The following DCLK1 variants were observed in gnomAD, a reference collection of about 807,000 sequenced individuals.
DCLK1 encodes serine/threonine-protein kinase DCLK1.
A neutral mutation model predicts 86.2 loss-of-function variants in DCLK1; 16 were observed. The observed-to-expected ratio is 0.19, with a 90% confidence interval of 0.13 to 0.28. The LOEUF (loss-of-function observed/expected upper bound fraction) is 0.28, where lower values mean the gene tolerates loss of function less well. DCLK1 is among the 10% of genes least tolerant of loss of function. DCLK1 has a pLI of 1.00. For missense variants in DCLK1, 590 were observed against 940.2 expected, an observed-to-expected ratio of 0.63 and a Z score of 4.87; for synonymous variants, 369 against 370.5, an observed-to-expected ratio of 1.00 and a Z score of 0.05.
chr13:35,885,759 C>T (rs147546951), intron 4 of DCLK1, among the ~76,000 whole-genome samples: 1 of 152,198 alleles, frequency 6.6e-6, no homozygotes, highest in East Asian at 1.9e-4. Flanking sequence ...GCTGATTTGT[C>T]ATCTAAAAAT....
intron 4 of DCLK1, among the ~76,000 whole-genome samples, chr13:35,916,860 G>A (rs1875445692): frequency 6.6e-6 from 1 of 152,140 alleles, no homozygotes; most frequent in African/African-American, 2.4e-5. Flanking sequence ...TGTGCAGGAA[G>A]GCCTCTCAGA....
intron 4 of DCLK1, among the ~76,000 whole-genome samples, chr13:35,941,099 G>T (rs1201157717): frequency 6.6e-6 from 1 of 152,178 alleles, no homozygotes; most frequent in Non-Finnish European, 1.5e-5. Context: ...AGGACATAGA[G>T]CCTGGATGAG....
intron 6 of DCLK1, chr13:35,848,072 G>T: frequency 1.0e-6 from 1 of 985,270 alleles, no homozygotes. Flanking sequence ...AGAAAAAAGT[G>T]AGTGCAAGTG....
Position 36,068,548 on chromosome 13 carries a change from C to T in DCLK1, c.723+43321G>A, listed in dbSNP as rs1445957605. Among the ~76,000 whole-genome samples, 4 of 138,640 alleles carry T rather than the reference C, an allele frequency of 2.9e-5. No homozygotes were observed. In the Admixed American group the frequency reaches 3.1e-4, roughly 11 times the overall value. The allele number at this position is 138,640 out of a possible 152,430, so 91.0% of individuals were successfully genotyped here. Reference sequence around the variant, plus strand: ...TTTTAAACGTTTTCTTTGGCTGAATCTTGATAGAGAACAGTCTTTTTTTTT... The same window carrying T: ...TTTTAAACGTTTTCTTTGGCTGAATTTTGATAGAGAACAGTCTTTTTTTTT... On this transcript the variant is annotated intron_variant, in intron 3 of 16. Transcript: ENST00000360631.
chr13:35,835,047 A>G (rs1869257709), intron 8 of DCLK1, among the ~76,000 whole-genome samples: 1 of 152,142 alleles, frequency 6.6e-6, no homozygotes, highest in Non-Finnish European at 1.5e-5. Context: ...TATGGCAGGA[A>G]CCTGTGCTTC....
chr13:35,940,082 A>G (rs1876993907), intron 4 of DCLK1, among the ~76,000 whole-genome samples: 1 of 152,120 alleles, frequency 6.6e-6, no homozygotes, highest in Non-Finnish European at 1.5e-5. Flanking sequence ...CTAGCCGGGC[A>G]TGGTGGCATG....
rs928407001 is a variant in DCLK1 at position 36,013,825 on chromosome 13, G to C, written c.724-66368C>G. On this transcript the variant is annotated intron_variant, in intron 3 of 16. Coordinates refer to ENST00000360631, the MANE Select transcript of DCLK1 (RefSeq NM_001330071.2). ...GGCAATGGCGGGCGCCCCTCCCCCA[G>C]CCTCTCTGCCGCCTTGCAGTTTGAT... Among the ~76,000 whole-genome samples the C allele has an allele frequency of 2.4e-4, 37 of 152,280 alleles. 1 individual carries two copies. Among genetic ancestry groups the C allele is most frequent in the Non-Finnish European group, 4.9e-4 (33 of 68,026 alleles).
intron 4 of DCLK1, among the ~76,000 whole-genome samples, chr13:35,917,826 G>A (rs1320217479): frequency 1.3e-5 from 2 of 149,676 alleles, no homozygotes; most frequent in East Asian, 4.3e-4. Context: ...GCAGGGCGGG[G>A]AGGCCTCCAG....
chr13:35,974,749 T>C (rs1189480472), intron 3 of DCLK1, among the ~76,000 whole-genome samples: 2 of 152,182 alleles, frequency 1.3e-5, no homozygotes, highest in Non-Finnish European at 2.9e-5. Context: ...TCTTCATAAA[T>C]TACCCAGTCT....
chr13:35,805,682 T>TG lies in DCLK1; in HGVS notation c.1944+16dup. On this transcript the variant is annotated intron_variant, in intron 15 of 16. Coordinates refer to ENST00000360631, the MANE Select transcript of DCLK1 (RefSeq NM_001330071.2). ...GAATGTTAGGAGAGAACAAAGGAAA[T>TG]GGTGCGAGTCACTTACATTAACCCA... 2 of 1,607,290 alleles carry TG rather than the reference T, an allele frequency of 1.2e-6. No homozygotes were observed. Among genetic ancestry groups the TG allele is most frequent in the Non-Finnish European group, 1.7e-6 (2 of 1,176,948 alleles).
intron 10 of DCLK1, among the ~76,000 whole-genome samples, chr13:35,825,515 T>C (rs1593631153): frequency 6.6e-6 from 1 of 152,144 alleles, no homozygotes; most frequent in Admixed American, 6.5e-5. Context: ...TCTCACCAAA[T>C]GCGTTCAGAG....
intron 4 of DCLK1, among the ~76,000 whole-genome samples, chr13:35,936,962 CTTTTTTTTT>C (rs140269668): frequency 3.0e-5 from 2 of 65,708 alleles, no homozygotes; most frequent in Admixed American, 2.0e-4. Flanking sequence ...GAAAAGTTAG[CTTTTTTTTT>C]TTTTTTTTTT....
intron 7 of DCLK1, among the ~76,000 whole-genome samples, chr13:35,836,440 T>C (rs1444182311): frequency 1.3e-5 from 2 of 152,198 alleles, no homozygotes; most frequent in Non-Finnish European, 1.5e-5. Flanking sequence ...TCCTTTTACT[T>C]CACGCCAATT....
chr13:36,099,681 A>G (rs561862048), intron 3 of DCLK1, among the ~76,000 whole-genome samples: 1 of 152,332 alleles, frequency 6.6e-6, no homozygotes, highest in East Asian at 1.9e-4. Flanking sequence ...TTATGTTAAA[A>G]AGCTAAAGCA....
intron 5 of DCLK1, among the ~76,000 whole-genome samples, chr13:35,863,239 A>C (rs1372906960): frequency 6.6e-6 from 1 of 152,204 alleles, no homozygotes; most frequent in African/African-American, 2.4e-5. Flanking sequence ...ATCATCAAGC[A>C]ACACATGGCT....
At chr13:36,030,446 G>A (rs374672405) in intron 3 of DCLK1, among the ~76,000 whole-genome samples, 47 of 146,304 alleles carry the variant, frequency 3.2e-4, no homozygotes, top group African/African-American at 1.1e-3. Context: ...GTAGGTGCCC[G>A]CCACCACACC....
chr13:35,969,437 G>C (rs1172226509), intron 3 of DCLK1, among the ~76,000 whole-genome samples: 1 of 152,178 alleles, frequency 6.6e-6, no homozygotes, highest in Admixed American at 6.5e-5. Context: ...AGGATACTTG[G>C]AGCCACCAGA....
At chr13:35,908,872 G>C (rs1874832309) in intron 4 of DCLK1, among the ~76,000 whole-genome samples, 1 of 152,170 alleles carries the variant, frequency 6.6e-6, no homozygotes, top group South Asian at 2.1e-4. Context: ...CTGACCTCAA[G>C]TGATCCACCC....
chr13:36,041,134 G>C lies in DCLK1; in HGVS notation c.723+70735C>G, dbSNP rs146885122. On this transcript the variant is annotated intron_variant, in intron 3 of 16. Coordinates refer to ENST00000360631, the MANE Select transcript of DCLK1 (RefSeq NM_001330071.2). ...TGCTACTAGGCCCTCTCAGTTGATA[G>C]AGCAAAGAAATATACCAACCAATGT... Among the ~76,000 whole-genome samples, 419 of 152,242 alleles carry C rather than the reference G, an allele frequency of 2.8e-3. 1 individual carries two copies. The highest frequency in any genetic ancestry group is 4.4e-3 in the Non-Finnish European group (296 of 68,012).
Sources: allele counts gnomAD v4.1 joint callset (sites outside exome capture counted in the v4.1 genomes callset), GRCh38; gene constraint gnomAD v4.1.1; transcripts MANE v1.5; gene names NCBI Gene and HGNC (gene_info 2026-07-23, HGNC 2026-07-21).